The following ZFHX3 variants were observed in gnomAD, a reference collection of about 807,000 sequenced individuals.
The protein encoded by ZFHX3 is zinc finger homeobox 3, also known as zinc finger homeobox protein 3.
ZFHX3 carries 42 observed loss-of-function variants against 279.1 expected under a neutral mutation model. The observed-to-expected ratio is 0.15, with a 90% CI of 0.12 to 0.19. The LOEUF is 0.19. ZFHX3 is among the 10% of genes least tolerant of loss of function. The pLI is 1.00. For synonymous variants in ZFHX3, 2,293 were observed against 1,957.8 expected (o/e 1.17, Z -4.52); for missense variants, 4,981 against 4,754.0 (o/e 1.05, Z -1.40).
At chr16:73,480,733 A>T (rs917663888) in intron 2 of ZFHX3, among the ~76,000 whole-genome samples, 2 of 152,032 alleles carry the variant, frequency 1.3e-5, no homozygotes, top group African/African-American at 4.8e-5. Flanking sequence ...TCATGGGGAG[A>T]TGTGAGTGTC....
intron 3 of ZFHX3, among the ~76,000 whole-genome samples, chr16:72,910,290 A>T (rs2039286186): frequency 6.6e-6 from 1 of 152,230 alleles, no homozygotes; most frequent in Non-Finnish European, 1.5e-5. Context: ...AGTTTTAAAC[A>T]GCCAGGGAGG....
chr16:73,178,114 C>G (rs909626110), intron 5 of ZFHX3, among the ~76,000 whole-genome samples: 2 of 152,132 alleles, frequency 1.3e-5, no homozygotes, highest in Non-Finnish European at 2.9e-5. Flanking sequence ...TAATCCCTCT[C>G]CCACACACCA....
intron 2 of ZFHX3, among the ~76,000 whole-genome samples, chr16:73,570,662 T>C (rs2051726097): frequency 6.6e-6 from 1 of 152,158 alleles, no homozygotes; most frequent in Admixed American, 6.5e-5. Flanking sequence ...AAGAAAAAAA[T>C]CTAGTTTATT....
rs552613317 is a variant in ZFHX3, at chr16:73,474,394, C to T, written c.-1546-18136G>A. Among the ~76,000 whole-genome samples the T allele has an allele frequency of 3.4e-4, 52 of 152,302 alleles. 2 individuals carry two copies. The South Asian group carries it at 9.7e-3, about 29-fold the overall frequency. The stretch of plus-strand genomic sequence containing the variant: ...GAACTCCTGACCTCAGGTGATCCAC[C>T]CACCTTGGCCTCCCAAAGTGCTGGG... On this transcript the variant is annotated intron_variant, in intron 2 of 17. Coordinates refer to the ZFHX3 transcript ENST00000641206.
At chr16:73,263,181 T>C (rs983478678) in intron 4 of ZFHX3, among the ~76,000 whole-genome samples, 4 of 151,732 alleles carry the variant, frequency 2.6e-5, no homozygotes, top group Admixed American at 1.3e-4. Flanking sequence ...TACAATTCAC[T>C]TTCAGGAAGT....
At chr16:72,869,587 CT>C (rs36103224) in intron 4 of ZFHX3, among the ~76,000 whole-genome samples, 60,516 of 151,890 alleles carry the variant, frequency 0.4, 12,331 homozygotes, top group South Asian at 0.54. Context: ...TTAGAAAATT[CT>C]TCCCAGTCTT....
chr16:73,668,459 C>T (rs974084117), intron 2 of ZFHX3, among the ~76,000 whole-genome samples: 4 of 151,980 alleles, frequency 2.6e-5, no homozygotes, highest in Non-Finnish European at 5.9e-5. Context: ...TCACCTAGCC[C>T]CCCACCCACT....
intron 4 of ZFHX3, among the ~76,000 whole-genome samples, chr16:72,858,165 C>T (rs1302635113): frequency 1.3e-5 from 2 of 152,214 alleles, no homozygotes; most frequent in African/African-American, 4.8e-5. Context: ...TGGTCAACAC[C>T]TCTCACCACA....
In ZFHX3 at chr16:72,950,489, C is replaced by T. The variant is rs1249154481; in HGVS notation, c.3196G>A (p.Ala1066Thr). ...CTTACCTTGTACAACTTCAGGCTGG[C>T]CTCGTGCCTGGAGTTGACCGTGTGC... ...RLHTVNSRHE[A>T]SLKLYKHLQQ... The change falls in exon 3 of 10, where the codon GCC becomes ACC. Residue 1066 changes from alanine (A) to threonine (T), a missense_variant. Transcript: ENST00000268489. 6.2e-7 allele frequency: 1 copy of T among 1,613,910 alleles called. No homozygotes were observed. The highest frequency in any genetic ancestry group is 1.7e-5 in the Admixed American group (1 of 60,028).
intron 4 of ZFHX3, among the ~76,000 whole-genome samples, chr16:72,864,600 G>T (rs2037967549): frequency 6.6e-6 from 1 of 152,212 alleles, no homozygotes. Flanking sequence ...CTCTAAACTT[G>T]TGAATGAAGC....
chr16:73,295,238 C>T (rs2014881387), intron 4 of ZFHX3, among the ~76,000 whole-genome samples: 1 of 152,102 alleles, frequency 6.6e-6, no homozygotes, highest in African/African-American at 2.4e-5. Context: ...AAACAAACAT[C>T]CACAGCCACG....
intron 8 of ZFHX3, 70 bp from the exon 9 acceptor site, chr16:72,798,784 C>G: frequency 1.3e-6 from 2 of 1,494,492 alleles, no homozygotes; most frequent in Non-Finnish European, 1.8e-6. Flanking sequence ...GCACCCAGAG[C>G]GGTCTACCTA....
chr16:73,219,166 G>C (rs2012319031), intron 5 of ZFHX3, among the ~76,000 whole-genome samples: 1 of 152,218 alleles, frequency 6.6e-6, no homozygotes, highest in Admixed American at 6.5e-5. Context: ...TGTATGGATA[G>C]ATCACATTTT....
chr16:73,266,179 T>A (rs1313746876), intron 4 of ZFHX3, among the ~76,000 whole-genome samples: 1 of 152,228 alleles, frequency 6.6e-6, no homozygotes, highest in Non-Finnish European at 1.5e-5. Flanking sequence ...GCAAAGACAA[T>A]GCTCACCGCC....
intron 3 of ZFHX3, among the ~76,000 whole-genome samples, chr16:73,361,232 A>T (rs7342761): frequency 2.0e-5 from 3 of 152,074 alleles, no homozygotes; most frequent in African/African-American, 4.8e-5. Flanking sequence ...GCCTCCTCCC[A>T]TACCAACTCT....
chr16:73,599,579 A>C (rs1371853982), intron 2 of ZFHX3, among the ~76,000 whole-genome samples: 1 of 152,180 alleles, frequency 6.6e-6, no homozygotes, highest in Non-Finnish European at 1.5e-5. Flanking sequence ...TTTCACAAGC[A>C]AACACTAACA....
At chr16:73,639,248 T>C (rs1222612659) in intron 2 of ZFHX3, among the ~76,000 whole-genome samples, 1 of 152,202 alleles carries the variant, frequency 6.6e-6, no homozygotes, top group Non-Finnish European at 1.5e-5. Context: ...CCTGTCTGAA[T>C]CTGCAAGTAC....
At chr16:72,805,683 C>G (rs566055139) in intron 7 of ZFHX3, among the ~76,000 whole-genome samples, 6 of 152,318 alleles carry the variant, frequency 3.9e-5, no homozygotes, top group African/African-American at 1.4e-4. Flanking sequence ...TGCTCACTTC[C>G]TTTCCTGTAC....
intron 8 of ZFHX3, among the ~76,000 whole-genome samples, chr16:73,073,353 G>A (rs910507978): frequency 6.6e-6 from 1 of 152,194 alleles, no homozygotes; most frequent in African/African-American, 2.4e-5. Flanking sequence ...GAAGAGGTCG[G>A]TCATAGATAT....
Sources: gnomAD v4.1 joint callset for allele counts (sites outside exome capture counted in the v4.1 genomes callset) on GRCh38, gnomAD v4.1.1 for gene constraint, MANE v1.5 for transcripts, NCBI Gene and HGNC (gene_info 2026-07-23, HGNC 2026-07-21) for gene names.